FNDC1: variants seen among roughly 807,000 people sequenced by gnomAD.
FNDC1 encodes the protein fibronectin type III domain-containing protein 1.
FNDC1 carries 96 observed loss-of-function variants against 168.0 expected under a neutral mutation model. The observed-to-expected ratio is 0.57, with a 90% CI of 0.48 to 0.68. The LOEUF is 0.68. FNDC1 is among the 30% of genes least tolerant of loss of function. The pLI is 0.00. For synonymous variants in FNDC1, 1,099 were observed against 1,025.9 expected (o/e 1.07, Z -1.36); for missense variants, 2,587 against 2,482.1 (o/e 1.04, Z -0.90).
rs750151979 is a variant in FNDC1 at position 159,266,181 on chromosome 6, G to A, written c.5382G>A (p.Lys1794=). 26 of 1,613,908 alleles carry A rather than the reference G, an allele frequency of 1.6e-5. No homozygotes were observed. The highest frequency in any genetic ancestry group is 2.2e-5 in the Non-Finnish European group (26 of 1,179,882). Residue 1794 remains lysine (K), a synonymous_variant, in exon 21 of 23, where the codon AAG becomes AAA. Transcript: ENST00000297267. ...RQYVKRTWYR[K]FVGVVLCNSL... is the part of the protein sequence containing the mutation. ...ATGTGAAGCGCACGTGGTATCGAAA[G>A]TTCGTGGGAGTTGTTCTTTGTAATT... is the stretch of plus-strand genomic sequence containing the variant.
At chr6:159,234,558 T>C (rs1320683059) in intron 11 of FNDC1, 79 bp downstream of exon 11, 1 of 1,368,856 alleles carries the variant, frequency 7.3e-7, no homozygotes, top group Non-Finnish European at 1.0e-6. Flanking sequence ...TTTTATTCTA[T>C]TGCATTTAGC....
rs1316036904 is a variant in FNDC1 at position 159,232,227 on chromosome 6, A to G, written c.1715A>G (p.His572Arg). ...QKRTLRPPSR[H>R]GHSVVAPGRT... ...CGGACCCTGAGGCCGCCAAGTAGAC[A>G]CGGCCACTCGGTGGTTGCTCCCGGC... is the stretch of plus-strand genomic sequence containing the variant. Residue 572 changes from histidine (H) to arginine (R), a missense_variant, in exon 11 of 23, where the codon CAC becomes CGC. By Grantham distance (29) the His-to-Arg change is conservative. Transcript: ENST00000297267. This position sits in a 1 kb window ranked among gnomAD's most constrained non-coding sequence, Gnocchi z 4.9. 1.2e-6 allele frequency: 2 copies of G among 1,612,614 alleles called. No homozygotes were observed. The highest frequency in any genetic ancestry group is 1.7e-6 in the Non-Finnish European group (2 of 1,179,392).
At chr6:159,200,163 T>C (rs1782345433) in intron 3 of FNDC1, 81 bp downstream of exon 3, 1 of 1,068,274 alleles carries the variant, frequency 9.4e-7, no homozygotes, top group Non-Finnish European at 1.4e-6. Flanking sequence ...TTCCAGTAAA[T>C]ATAAATTTAG....
At chr6:159,189,261 G>T (rs752470868) in intron 1 of FNDC1, among the ~76,000 whole-genome samples, 14 of 152,054 alleles carry the variant, frequency 9.2e-5, no homozygotes, top group Non-Finnish European at 2.1e-4. Context: ...CCTCACCTCT[G>T]GTCTCTTCTC....
chr6:159,200,153 T>C (rs1224428439), intron 3 of FNDC1, 71 bp downstream of exon 3: 2 of 1,104,802 alleles, frequency 1.8e-6, no homozygotes, highest in Non-Finnish European at 2.7e-6. Flanking sequence ...TCCTTGCTTC[T>C]TCCAGTAAAT....
intron 1 of FNDC1, among the ~76,000 whole-genome samples, chr6:159,191,068 T>C (rs1045853252): frequency 6.6e-6 from 1 of 152,168 alleles, no homozygotes; most frequent in Non-Finnish European, 1.5e-5. Flanking sequence ...ACGTCTACGA[T>C]GGTGGAGCAA....
At chr6:159,176,496 A>T (rs1182236711) in intron 1 of FNDC1, among the ~76,000 whole-genome samples, 1 of 152,240 alleles carries the variant, frequency 6.6e-6, no homozygotes, top group Non-Finnish European at 1.5e-5. Flanking sequence ...TGAGAAGGAC[A>T]TAGGCATTAG....
At chr6:159,197,304 TAA>T in intron 1 of FNDC1, 125 bp from the exon 2 acceptor site, 2 of 892,704 alleles carry the variant, frequency 2.2e-6, no homozygotes, top group Non-Finnish European at 3.4e-6. Flanking sequence ...TGACTATCCT[TAA>T]AGTCTTTCGG....
intron 12 of FNDC1, among the ~76,000 whole-genome samples, chr6:159,237,216 T>C (rs981870242): frequency 6.6e-6 from 1 of 152,222 alleles, no homozygotes; most frequent in African/African-American, 2.4e-5. Context: ...ATAGAGTTTA[T>C]ATAAATTTTA....
intron 12 of FNDC1, among the ~76,000 whole-genome samples, chr6:159,236,988 T>A (rs1783274611): frequency 6.6e-6 from 1 of 152,134 alleles, no homozygotes; most frequent in South Asian, 2.1e-4. Context: ...AATAAAAAAA[T>A]TATTTATACT....
chr6:159,209,320 C>A (rs438853), intron 4 of FNDC1, among the ~76,000 whole-genome samples: 23,592 of 152,152 alleles, frequency 0.16, 2,250 homozygotes, highest in East Asian at 0.27. Context: ...TTGGAAGAAA[C>A]CTTAGTTAAG....
chr6:159,232,678 C>G lies in FNDC1; in HGVS notation c.2166C>G (p.Pro722=). The G allele has an allele frequency of 6.2e-7, 1 of 1,613,886 alleles. No homozygotes were observed. The highest frequency in any genetic ancestry group is 8.5e-7 in the Non-Finnish European group (1 of 1,179,854). ...CCCCACCCTCAAGACTTTCTCCACC[C>G]CATGGGGGATCATCTCGGCTGCTGC... The part of the protein sequence containing the change: ...ASAPPSRLSP[P]HGGSSRLLPT... Residue 722 remains proline (P), a synonymous_variant, in exon 11 of 23, where the codon CCC becomes CCG. Transcript: ENST00000297267. The surrounding 1 kb of genome is among the most constrained non-coding windows in gnomAD (Gnocchi z 4.9).
At chr6:159,257,905 C>CT (rs142754305) in intron 18 of FNDC1, among the ~76,000 whole-genome samples, 26,434 of 131,240 alleles carry the variant, frequency 0.2, 3,330 homozygotes, top group East Asian at 0.35. Flanking sequence ...GAGTCAATGT[C>CT]TTTTTTTTTT....
chr6:159,184,449 C>A (rs374137974), intron 1 of FNDC1, among the ~76,000 whole-genome samples: 26 of 152,192 alleles, frequency 1.7e-4, no homozygotes, highest in East Asian at 1.2e-3. Flanking sequence ...TATGCCCATT[C>A]ATAATCATTA....
rs1562307220 is a variant in FNDC1, at chr6:159,246,904, A to T, written c.4625A>T (p.Glu1542Val). Residue 1542 changes from glutamate to valine, a missense_variant, in exon 15 of 23, where the codon GAG (glutamate) becomes GTG (valine). Transcript: ENST00000297267. ...TCCTTTTCTCTGTCCTCACTAGATGAGTTCTCAGGCTTGGAGACTGACACT... is the reference window on the plus strand; with the variant it reads ...TCCTTTTCTCTGTCCTCACTAGATGTGTTCTCAGGCTTGGAGACTGACACT... ...GIPECYAEED[E>V]FSGLETDTAV... The T allele has an allele frequency of 6.2e-7, 1 of 1,610,622 alleles. No individual in the cohort carries two copies. The highest frequency in any genetic ancestry group is 1.7e-5 in the Admixed American group (1 of 60,002).
chr6:159,239,667 C>T lies in FNDC1; in HGVS notation c.4331C>T (p.Thr1444Ile). The T allele has an allele frequency of 6.4e-7, 1 of 1,551,804 alleles. No individual in the cohort carries two copies. Among genetic ancestry groups the T allele is most frequent in the Admixed American group, 2.0e-5 (1 of 51,016 alleles). Residue 1444 changes from threonine (T) to isoleucine (I), a missense_variant, in exon 14 of 23, where the codon ACC becomes ATC. Thr to Ile is a moderately conservative substitution (Grantham distance 89, BLOSUM62 -1). Coordinates refer to ENST00000297267, the MANE Select transcript of FNDC1 (RefSeq NM_032532.3). ...GGCTTGGAGGTCATCAAAAAAACCA[C>T]CCATCCCCCTACCACTACCATGCAG... ...LVGLEVIKKTTHPPTTTMQPT... is the reference protein window; with the variant it reads ...LVGLEVIKKTIHPPTTTMQPT...
chr6:159,271,435 A>G lies in FNDC1; in HGVS notation c.5678A>G (p.Lys1893Arg). 1 of 1,606,850 alleles carries G rather than the reference A, an allele frequency of 6.2e-7. No individual in the cohort carries two copies. The highest frequency in any genetic ancestry group is 8.5e-7 in the Non-Finnish European group (1 of 1,176,414). Residue 1893 changes from lysine (K) to arginine (R), a missense_variant, in exon 23 of 23, where the codon AAG becomes AGG. Transcript: ENST00000297267. ...GAGTGTGGGGTCTCCATCCCTGGAA[A>G]GTGGTAATCACAGGACCGTCATGCT... The part of the protein sequence containing the change: ...WYECGVSIPG[K>R]W
At chr6:159,258,391 A>T (rs910031316) in intron 18 of FNDC1, among the ~76,000 whole-genome samples, 2 of 151,960 alleles carry the variant, frequency 1.3e-5, no homozygotes, top group African/African-American at 2.4e-5. Context: ...TTTTTTCTTT[A>T]TGAGCTTGGG....
At chr6:159,182,742 G>T (rs1006704954) in intron 1 of FNDC1, among the ~76,000 whole-genome samples, 1 of 152,192 alleles carries the variant, frequency 6.6e-6, no homozygotes, top group Admixed American at 6.5e-5. Flanking sequence ...CATATTCAAA[G>T]ATGTTTACCT....
Sources: allele counts gnomAD v4.1 joint callset (sites outside exome capture counted in the v4.1 genomes callset), GRCh38; gene constraint gnomAD v4.1.1; non-coding constraint Gnocchi (gnomAD v3.1); transcripts MANE v1.5; gene names NCBI Gene and HGNC (gene_info 2026-07-23, HGNC 2026-07-21).